PDE11A: variants seen among roughly 807,000 people sequenced by gnomAD.
PDE11A encodes dual 3',5'-cyclic-AMP and -GMP phosphodiesterase 11A.
PDE11A carries 100 observed loss-of-function variants against 100.5 expected under a neutral mutation model. That is an observed-to-expected ratio of 1.00 (90% confidence interval 0.85 to 1.18). PDE11A has a LOEUF of 1.18. PDE11A is among the 50% of genes most tolerant of loss of function. The pLI is 0.00. For synonymous variants in PDE11A, 381 were observed against 420.8 expected, an observed-to-expected ratio of 0.91 and a Z score of 1.16; for missense variants, 1,141 against 1,152.6, an observed-to-expected ratio of 0.99 and a Z score of 0.15.
intron 10 of PDE11A, among the ~76,000 whole-genome samples, chr2:177,766,524 C>G (rs1020120172): frequency 2.0e-5 from 3 of 152,262 alleles, no homozygotes; most frequent in African/African-American, 7.2e-5. Context: ...AATGACAATA[C>G]ACTTGAACGT....
rs578232627 is a variant in PDE11A, at chr2:177,670,266, A to G, written c.2488-699T>C. Reference sequence around the variant, plus strand: ...ATTTATGGTAGGCTCTACTTGGTACAAGGACAATGGGATGCTTGTTCTACC... The same window carrying G: ...ATTTATGGTAGGCTCTACTTGGTACGAGGACAATGGGATGCTTGTTCTACC... On this transcript the variant is annotated intron_variant, in intron 17 of 19. Coordinates refer to ENST00000286063, the MANE Select transcript of PDE11A (RefSeq NM_016953.4). Among the ~76,000 whole-genome samples the G allele has an allele frequency of 1.1e-3, 172 of 152,220 alleles. 1 individual carries two copies. Among genetic ancestry groups the G allele is most frequent in the Non-Finnish European group, 2.0e-3 (136 of 68,042 alleles).
chr2:177,782,775 C>T (rs2082472072), intron 9 of PDE11A, among the ~76,000 whole-genome samples: 1 of 151,578 alleles, frequency 6.6e-6, no homozygotes, highest in African/African-American at 2.4e-5. Flanking sequence ...TTCTTCCCTA[C>T]TTCCTTCCTT....
At chr2:178,099,446 G>GAAAAAAAAAAAAAAAA (rs201692711) in intron 2 of PDE11A, among the ~76,000 whole-genome samples, 1 of 84,558 alleles carries the variant, frequency 1.2e-5, no homozygotes, top group African/African-American at 4.4e-5. Context: ...CATCTCAAGA[G>GAAAAAAAAAAAAAAAA]AAAAAAAAAA....
chr2:178,026,670 A>G (rs2086482813), intron 1 of PDE11A, among the ~76,000 whole-genome samples: 1 of 152,026 alleles, frequency 6.6e-6, no homozygotes, highest in Non-Finnish European at 1.5e-5. Flanking sequence ...CAAAAAAAAA[A>G]AAAGAAAAGA....
At chr2:178,042,675 G>A (rs570903964) in intron 1 of PDE11A, among the ~76,000 whole-genome samples, 1 of 152,142 alleles carries the variant, frequency 6.6e-6, no homozygotes, top group South Asian at 2.1e-4. Flanking sequence ...GGAGTTTCTA[G>A]TCTCCCCACA....
At chr2:177,866,744 A>G (rs1051723952) in intron 5 of PDE11A, among the ~76,000 whole-genome samples, 6 of 152,234 alleles carry the variant, frequency 3.9e-5, no homozygotes, top group Non-Finnish European at 8.8e-5. Context: ...CTACTCTCCA[A>G]GGTGCCTAAT....
At position 177,859,748 on chromosome 2, in the gene PDE11A, G is replaced by A. The variant is rs114695227; in HGVS notation, c.1367+16111C>T. Among the ~76,000 whole-genome samples the A allele has an allele frequency of 7.3e-3, 1,101 of 151,552 alleles. 13 individuals are homozygous for A. The highest frequency in any genetic ancestry group is 0.025 in the African/African-American group (1,025 of 41,382). ...AACAAGTCTCAATAAGTTTAAGAGG[G>A]CTCATATGATAAAAAAAAAAATTCT... On this transcript the variant is annotated intron_variant, in intron 5 of 19. Transcript: ENST00000286063.
At position 177,725,932 on chromosome 2, in the gene PDE11A, A is replaced by G. The variant is rs538156247; in HGVS notation, c.2043+1726T>C. On this transcript the variant is annotated intron_variant, in intron 12 of 19. Transcript: ENST00000286063. ...CATTGAACAGGGTTCCTACTTACTT[A>G]TTTTGGCAATTCGCATAAATCCATA... Among the ~76,000 whole-genome samples, 42 of 152,232 alleles carry G rather than the reference A, an allele frequency of 2.8e-4. 1 individual carries two copies. In the South Asian group the frequency reaches 8.5e-3, roughly 31 times the overall value.
chr2:177,840,226 T>C (rs2083468506), intron 6 of PDE11A, 25 bp downstream of exon 6: 4 of 1,613,398 alleles, frequency 2.5e-6, no homozygotes, highest in Non-Finnish European at 2.5e-6. Flanking sequence ...AAACTTAGGA[T>C]TGCAACCAGA....
chr2:177,700,402 C>CAA (rs3056937), intron 14 of PDE11A, among the ~76,000 whole-genome samples: 12,546 of 144,836 alleles, frequency 0.087, 1,833 homozygotes, highest in African/African-American at 0.3. Context: ...TTCCTGGCCT[C>CAA]AAAAAAAAAA....
intron 1 of PDE11A, among the ~76,000 whole-genome samples, chr2:178,056,796 TATATC>T (rs1487231793): frequency 1.3e-5 from 2 of 152,122 alleles, no homozygotes; most frequent in Non-Finnish European, 2.9e-5. Flanking sequence ...ATTTTCATAT[TATATC>T]AGTTTGATAG....
chr2:178,080,957 A>G (rs200430012), intron 2 of PDE11A, among the ~76,000 whole-genome samples: 1 of 151,904 alleles, frequency 6.6e-6, no homozygotes, highest in Admixed American at 6.6e-5. Flanking sequence ...TTCATAAAAC[A>G]TTTATAATGT....
At chr2:177,903,054 C>T (rs906927991) in intron 3 of PDE11A, among the ~76,000 whole-genome samples, 2 of 152,172 alleles carry the variant, frequency 1.3e-5, no homozygotes, top group Non-Finnish European at 2.9e-5. Context: ...AAAGCCCTTG[C>T]CATGCCCACA....
At chr2:177,679,386 T>C (rs1194968689) in intron 16 of PDE11A, among the ~76,000 whole-genome samples, 6 of 152,158 alleles carry the variant, frequency 3.9e-5, no homozygotes, top group Non-Finnish European at 7.3e-5. Flanking sequence ...TATGTTAAAA[T>C]AGACAATCAA....
intron 19 of PDE11A, among the ~76,000 whole-genome samples, 155 bp from the exon 20 acceptor site, chr2:177,629,717 A>C (rs2079889441): frequency 6.6e-6 from 1 of 152,220 alleles, no homozygotes; most frequent in South Asian, 2.1e-4. Context: ...ACAAGAAGTA[A>C]ATATGCATTT....
chr2:178,105,700 C>A, intron 1 of PDE11A: 1 of 981,224 alleles, frequency 1.0e-6, no homozygotes. Flanking sequence ...GAATGTGGAA[C>A]CTGATGGCAT....
At chr2:177,658,106 C>G (rs182053719) in intron 19 of PDE11A, among the ~76,000 whole-genome samples, 1 of 152,160 alleles carries the variant, frequency 6.6e-6, no homozygotes, top group East Asian at 1.9e-4. Flanking sequence ...GCATCACAGC[C>G]AGAGTTGCGA....
chr2:177,876,949 A>C (rs531824346), intron 4 of PDE11A, among the ~76,000 whole-genome samples: 10 of 148,346 alleles, frequency 6.7e-5, no homozygotes, highest in Admixed American at 4.6e-4. Flanking sequence ...AGCCATATAA[A>C]GTATGAGACT....
chr2:177,859,397 T>C (rs1289072531), intron 5 of PDE11A, among the ~76,000 whole-genome samples: 1 of 151,644 alleles, frequency 6.6e-6, no homozygotes, highest in East Asian at 1.9e-4. Context: ...AATAAAATAT[T>C]ATTTGATATT....
Sources: allele counts gnomAD v4.1 joint callset (sites outside exome capture counted in the v4.1 genomes callset), GRCh38; gene constraint gnomAD v4.1.1; transcripts MANE v1.5; gene names NCBI Gene and HGNC (gene_info 2026-07-23, HGNC 2026-07-21).